The following IARS1 variants were observed in gnomAD, a reference collection of about 807,000 sequenced individuals.
IARS1 encodes isoleucyl-tRNA synthetase 1.
In IARS1, 124 loss-of-function variants were observed where a neutral mutation model predicts 168.2. The ratio of observed to expected loss-of-function variants is 0.74; its 90% CI spans 0.64 to 0.86. The LOEUF (loss-of-function observed/expected upper bound fraction) is 0.86. Among genes scored for constraint, IARS1 ranks in the 40% least tolerant of loss-of-function variants. The pLI, the probability that IARS1 is intolerant of heterozygous loss-of-function variation, is 0.00. For synonymous variants in IARS1, 532 were observed against 529.4 expected, an observed-to-expected ratio of 1.00 and a Z score of -0.07; for missense variants, 1,452 against 1,515.8, an observed-to-expected ratio of 0.96 and a Z score of 0.70.
chr9:92,223,317 C>T (rs1262564135), intron 32 of IARS1, 29 bp downstream of exon 32: 2 of 1,583,280 alleles, frequency 1.3e-6, no homozygotes, highest in South Asian at 1.1e-5. Flanking sequence ...CAGCACCCCA[C>T]AGTCTGCCTG....
intron 19 of IARS1, among the ~76,000 whole-genome samples, chr9:92,257,945 G>A (rs960026439): frequency 6.6e-6 from 1 of 152,208 alleles, no homozygotes; most frequent in Admixed American, 6.5e-5. Flanking sequence ...GGGCATGGAA[G>A]GTGGCTCTAG....
intron 17 of IARS1, among the ~76,000 whole-genome samples, chr9:92,261,755 C>T (rs1831561539): frequency 6.6e-6 from 1 of 151,744 alleles, no homozygotes; most frequent in Non-Finnish European, 1.5e-5. Context: ...TACAATTTCC[C>T]CCTTTTTTTT....
chr9:92,274,622 G>A (rs1252723821), intron 9 of IARS1, 101 bp from the exon 10 acceptor site: 14 of 708,240 alleles, frequency 2.0e-5, no homozygotes, highest in African/African-American at 5.3e-5. Context: ...GCTTTTAACC[G>A]GTAAAATTAT....
chr9:92,291,382 T>C (rs951829017), intron 1 of IARS1, among the ~76,000 whole-genome samples: 1 of 152,166 alleles, frequency 6.6e-6, no homozygotes, highest in African/African-American at 2.4e-5. Flanking sequence ...CATAGTCTAA[T>C]CAAGTTATTG....
chr9:92,257,730 AT>A (rs1830922257), intron 19 of IARS1, among the ~76,000 whole-genome samples: 1 of 152,168 alleles, frequency 6.6e-6, no homozygotes, highest in African/African-American at 2.4e-5. Flanking sequence ...ACAAGAGTTC[AT>A]TTTTCCAACC....
rs1024748204 is a variant in IARS1 at position 92,274,358 on chromosome 9, G to A, written c.990+68C>T. On this transcript the variant is annotated intron_variant, in intron 10 of 33. Transcript: ENST00000443024. ...TGGTAACCCAACATGATGAGACACA[G>A]GACTCCGCATCTATGAAAAGTGGCT... 2.5e-6 allele frequency: 3 copies of A among 1,180,848 alleles called. No individual in the cohort carries two copies. In the African/African-American group the frequency reaches 4.5e-5, roughly 18 times the overall value. 73.1% of individuals were successfully genotyped at this position (1,180,848 alleles called of 1,614,324 possible).
chr9:92,262,778 C>T (rs3780342), intron 17 of IARS1, among the ~76,000 whole-genome samples, 191 bp downstream of exon 17: 4,662 of 152,290 alleles, frequency 0.031, 111 homozygotes, highest in South Asian at 0.079. Context: ...ATGTTACTAG[C>T]AGTAGCACAA....
chr9:92,235,620 C>T (rs1212657040), intron 30 of IARS1, among the ~76,000 whole-genome samples: 1 of 149,586 alleles, frequency 6.7e-6, no homozygotes, highest in Non-Finnish European at 1.5e-5. Flanking sequence ...CAGGTTCAAG[C>T]AATTCTCCTG....
At chr9:92,215,416 G>T (rs1838497246) in intron 33 of IARS1, among the ~76,000 whole-genome samples, 1 of 152,234 alleles carries the variant, frequency 6.6e-6, no homozygotes, top group Non-Finnish European at 1.5e-5. Context: ...AACAAAGCTG[G>T]ATGGAGAATG....
intron 31 of IARS1, 22 bp from the exon 32 acceptor site, chr9:92,223,511 C>A: frequency 1.9e-6 from 3 of 1,598,288 alleles, no homozygotes; most frequent in Non-Finnish European, 2.6e-6. Context: ...AACAACAATT[C>A]TTTCAGGGTT....
intron 26 of IARS1, 150 bp from the exon 27 acceptor site, chr9:92,245,221 G>T: frequency 1.6e-6 from 1 of 636,964 alleles, no homozygotes; most frequent in Non-Finnish European, 2.8e-6. Flanking sequence ...TCATGTCATG[G>T]TTGTAGCCAA....
intron 4 of IARS1, chr9:92,287,575 T>A (rs963830319): frequency 4.5e-5 from 18 of 396,986 alleles, no homozygotes; most frequent in African/African-American, 3.7e-4. Context: ...CTATTGGTGA[T>A]CATGCAAGAA....
Position 92,250,173 on chromosome 9 carries a change from G to A in IARS1, c.2532+14C>T. ...TAGGTCTGTGCCATGTAAAATAGAA[G>A]TAAAATTTCAAACCTTTATGGGAAT... On this transcript the variant is annotated intron_variant, in intron 24 of 33. Coordinates refer to ENST00000443024, the MANE Select transcript of IARS1 (RefSeq NM_002161.6). 1 of 1,516,164 alleles carries A rather than the reference G, an allele frequency of 6.6e-7. No individual in the cohort carries two copies. The highest frequency in any genetic ancestry group is 9.2e-7 in the Non-Finnish European group (1 of 1,090,838). The allele number at this position is 1,516,164 out of a possible 1,614,324, so 93.9% of individuals were successfully genotyped here.
rs774115743 is a variant in IARS1 at position 92,242,235 on chromosome 9, G to C, written c.3096C>G (p.Phe1032Leu). The change falls in exon 29 of 34, where the codon TTC (phenylalanine) becomes TTG (leucine). Residue 1032 changes from phenylalanine (F) to leucine (L), a missense_variant. By Grantham distance (22) the Phe-to-Leu change is conservative. Coordinates refer to ENST00000443024, the MANE Select transcript of IARS1 (RefSeq NM_002161.6). ...LNSVIESHTEFIFTTIKAPLK... is the reference protein window; with the variant it reads ...LNSVIESHTELIFTTIKAPLK... ...AGGGAGCCTTTATGGTGGTAAATAT[G>C]AACTCTGTGTGGCTTTCAATAACAC... The C allele has an allele frequency of 1.2e-5, 20 of 1,613,744 alleles. No individual in the cohort carries two copies. The highest frequency in any genetic ancestry group is 1.6e-5 in the Non-Finnish European group (19 of 1,179,638).
intron 29 of IARS1, among the ~76,000 whole-genome samples, chr9:92,241,332 G>A (rs1376788552): frequency 6.6e-6 from 1 of 152,018 alleles, no homozygotes; most frequent in Non-Finnish European, 1.5e-5. Context: ...AAGTGACTGA[G>A]GTATATTTTA....
At chr9:92,272,583 C>T (rs1047587187) in intron 10 of IARS1, among the ~76,000 whole-genome samples, 1 of 152,206 alleles carries the variant, frequency 6.6e-6, no homozygotes, top group Non-Finnish European at 1.5e-5. Context: ...GGTGCAGTGG[C>T]TCACGCCTGT....
intron 33 of IARS1, among the ~76,000 whole-genome samples, chr9:92,216,179 A>G (rs1384600617): frequency 1.1e-4 from 16 of 151,268 alleles, no homozygotes; most frequent in Middle Eastern, 3.2e-3. Flanking sequence ...ACTAAGCTTC[A>G]TAAGAGAAGG....
chr9:92,268,074 G>A, intron 14 of IARS1, 100 bp downstream of exon 14: 1 of 1,214,636 alleles, frequency 8.2e-7, no homozygotes, highest in Non-Finnish European at 1.1e-6. Context: ...ATAAGAAAGG[G>A]GCAAAGAAAA....
chr9:92,265,504 T>C lies in IARS1; in HGVS notation c.1481A>G (p.Lys494Arg), dbSNP rs1241262845. Residue 494 changes from lysine (K) to arginine (R), a missense_variant, in exon 15 of 34, where the codon AAG becomes AGG. Transcript: ENST00000443024. ...CCTCTCTCTGTGGAGATCTGAGATC[T>C]TTGCTCCTGACAGTTCTTCAAGTTC... ...VAELEELSGA[K>R]ISDLHRESVD... 1 of 1,613,924 alleles carries C rather than the reference T, an allele frequency of 6.2e-7. No homozygotes were observed.
Sources: gnomAD v4.1 joint callset for allele counts (sites outside exome capture counted in the v4.1 genomes callset) on GRCh38, gnomAD v4.1.1 for gene constraint, MANE v1.5 for transcripts, NCBI Gene and HGNC (gene_info 2026-07-23, HGNC 2026-07-21) for gene names.